The following KAT2B variants were observed in gnomAD, a reference collection of about 807,000 sequenced individuals.
KAT2B encodes the protein histone acetyltransferase KAT2B.
In KAT2B, 36 loss-of-function variants were observed where a neutral mutation model predicts 105.9. That is an observed-to-expected ratio of 0.34 (90% CI 0.26 to 0.45). The LOEUF (loss-of-function observed/expected upper bound fraction) is 0.45, where lower values mean the gene tolerates loss of function less well. KAT2B is among the 20% of genes least tolerant of loss of function. The pLI is 1.00. For synonymous variants in KAT2B, 397 were observed against 377.9 expected (o/e 1.05, Z -0.59); for missense variants, 820 against 1,021.6 (o/e 0.80, Z 2.69).
intron 2 of KAT2B, among the ~76,000 whole-genome samples, chr3:20,082,602 G>A (rs1314500087): frequency 6.6e-6 from 1 of 151,972 alleles, no homozygotes; most frequent in African/African-American, 2.4e-5. Flanking sequence ...TTTTGATGGA[G>A]GAATGTTTTA....
At chr3:20,123,365 C>T (rs1426864755) in intron 9 of KAT2B, among the ~76,000 whole-genome samples, 4 of 152,146 alleles carry the variant, frequency 2.6e-5, no homozygotes. Flanking sequence ...AGCCTGGTTA[C>T]AATATTTTCT....
At chr3:20,082,866 A>T (rs1256351335) in intron 2 of KAT2B, among the ~76,000 whole-genome samples, 1 of 152,242 alleles carries the variant, frequency 6.6e-6, no homozygotes, top group Non-Finnish European at 1.5e-5. Context: ...GGTAAGAAAA[A>T]GACTAACATC....
intron 5 of KAT2B, among the ~76,000 whole-genome samples, chr3:20,110,007 A>C (rs1473174862): frequency 6.6e-6 from 1 of 152,168 alleles, no homozygotes; most frequent in Non-Finnish European, 1.5e-5. Context: ...ACATACAGGC[A>C]AAATATTTTA....
At chr3:20,056,293 G>C (rs1230012476) in intron 1 of KAT2B, among the ~76,000 whole-genome samples, 1 of 152,170 alleles carries the variant, frequency 6.6e-6, no homozygotes, top group Non-Finnish European at 1.5e-5. Context: ...AGGTGGTGAT[G>C]AAAAGACAGA....
intron 1 of KAT2B, among the ~76,000 whole-genome samples, chr3:20,065,364 A>C (rs1698206008): frequency 6.6e-6 from 1 of 152,152 alleles, no homozygotes; most frequent in Admixed American, 6.5e-5. Context: ...CTCCCTTGGG[A>C]GTTCCCTTAG....
intron 1 of KAT2B, among the ~76,000 whole-genome samples, chr3:20,046,862 A>G (rs1697820328): frequency 6.6e-6 from 1 of 152,160 alleles, no homozygotes; most frequent in African/African-American, 2.4e-5. Flanking sequence ...GACATTTTCA[A>G]TCTTTGCAGT....
intron 1 of KAT2B, among the ~76,000 whole-genome samples, chr3:20,059,130 C>G (rs1048049828): frequency 2.6e-5 from 4 of 152,072 alleles, no homozygotes; most frequent in African/African-American, 9.7e-5. Flanking sequence ...ATTAAAATAT[C>G]TTGCTGGGCA....
chr3:20,073,656 A>G (rs942045393), intron 2 of KAT2B, among the ~76,000 whole-genome samples: 4 of 152,260 alleles, frequency 2.6e-5, no homozygotes, highest in African/African-American at 9.6e-5. Context: ...GAAGCACTCA[A>G]TACAGAGCAA....
At chr3:20,082,676 G>A (rs902690567) in intron 2 of KAT2B, among the ~76,000 whole-genome samples, 2 of 152,086 alleles carry the variant, frequency 1.3e-5, no homozygotes, top group African/African-American at 4.8e-5. Flanking sequence ...TTTTGTTTAT[G>A]TAGGAAAAAC....
intron 17 of KAT2B, among the ~76,000 whole-genome samples, chr3:20,149,301 A>G (rs937681623): frequency 6.6e-6 from 1 of 151,868 alleles, no homozygotes; most frequent in Non-Finnish European, 1.5e-5. Context: ...GTGAAAGTCC[A>G]GCTTGGGTAA....
Position 20,119,579 on chromosome 3 carries a change from TCTC to T in KAT2B, c.1151-16_1151-14del, listed in dbSNP as rs749491984. 3.1e-6 allele frequency: 5 copies of T among 1,613,568 alleles called. No individual in the cohort carries two copies. Among genetic ancestry groups the T allele is most frequent in the Non-Finnish European group, 4.2e-6 (5 of 1,179,700 alleles). On this transcript the variant is annotated splice_polypyrimidine_tract_variant and intron_variant, in intron 7 of 17. Coordinates refer to ENST00000263754, the MANE Select transcript of KAT2B (RefSeq NM_003884.5). Reference sequence around the variant, plus strand: ...AGGAGTCAGTCATCTAACACCTTCTTCTCCTTTTGCCGGGGCAGTTATCAATCC... The same window carrying T: ...AGGAGTCAGTCATCTAACACCTTCTTCTTTTGCCGGGGCAGTTATCAATCC...
intron 2 of KAT2B, among the ~76,000 whole-genome samples, chr3:20,092,127 G>A (rs188936909): frequency 6.6e-6 from 1 of 152,194 alleles, no homozygotes; most frequent in East Asian, 1.9e-4. Context: ...CTTTGTCATT[G>A]ATTTTCTGTG....
At chr3:20,072,184 T>C in intron 1 of KAT2B, 149 bp from the exon 2 acceptor site, 1 of 783,682 alleles carries the variant, frequency 1.3e-6, no homozygotes, top group Non-Finnish European at 2.1e-6. Flanking sequence ...CTTTGGGTTT[T>C]CTGTTTTTCT....
chr3:20,091,630 C>T (rs1229224140), intron 2 of KAT2B, among the ~76,000 whole-genome samples: 2 of 151,920 alleles, frequency 1.3e-5, no homozygotes, highest in Non-Finnish European at 2.9e-5. Flanking sequence ...GCATTTATTG[C>T]CATAAGCTTC....
At chr3:20,044,651 C>T (rs1487373361) in intron 1 of KAT2B, among the ~76,000 whole-genome samples, 1 of 152,076 alleles carries the variant, frequency 6.6e-6, no homozygotes, top group African/African-American at 2.4e-5. Context: ...GCTCTTCTTT[C>T]CACATTTTAA....
chr3:20,104,119 G>A (rs764270572), intron 5 of KAT2B, among the ~76,000 whole-genome samples: 5 of 152,082 alleles, frequency 3.3e-5, no homozygotes, highest in African/African-American at 4.8e-5. Context: ...TTTGAATATC[G>A]CTTTAGAAAT....
intron 1 of KAT2B, among the ~76,000 whole-genome samples, chr3:20,052,302 A>G (rs1397526089): frequency 6.6e-6 from 1 of 152,224 alleles, no homozygotes; most frequent in Admixed American, 6.5e-5. Context: ...ATGATTTCCT[A>G]TCTGTTTTCC....
intron 9 of KAT2B, among the ~76,000 whole-genome samples, chr3:20,125,190 G>A (rs1224639605): frequency 6.6e-6 from 1 of 151,946 alleles, no homozygotes; most frequent in Non-Finnish European, 1.5e-5. Flanking sequence ...GGGCGCCGTG[G>A]CAGGCTCCAG....
At chr3:20,067,369 T>TA (rs1177163884) in intron 1 of KAT2B, among the ~76,000 whole-genome samples, 2 of 152,160 alleles carry the variant, frequency 1.3e-5, no homozygotes, top group East Asian at 3.9e-4. Flanking sequence ...ACCTTATTAT[T>TA]ACAGATCTCC....
Sources: gnomAD v4.1 joint callset for allele counts (sites outside exome capture counted in the v4.1 genomes callset) on GRCh38, gnomAD v4.1.1 for gene constraint, MANE v1.5 for transcripts, NCBI Gene and HGNC (gene_info 2026-07-23, HGNC 2026-07-21) for gene names.